EPAS1: variants seen among roughly 807,000 people sequenced by gnomAD.
EPAS1 encodes the protein endothelial PAS domain protein 1.
A neutral mutation model predicts 87.9 loss-of-function variants in EPAS1; 23 were observed. That is an observed-to-expected ratio of 0.26 (90% CI 0.19 to 0.37). EPAS1 has a LOEUF of 0.37. Ranked by LOEUF, EPAS1 falls within the 10% of genes least tolerant of loss-of-function variation. EPAS1 has a pLI of 1.00. For missense variants in EPAS1, 1,138 were observed against 1,120.7 expected (o/e 1.02, Z -0.22); for synonymous variants, 508 against 444.3 (o/e 1.14, Z -1.80).
At position 46,380,209 on chromosome 2, in the gene EPAS1, G is replaced by C. The variant is rs763871725; in HGVS notation, c.1555-18G>C. 1.9e-6 allele frequency: 3 copies of C among 1,606,718 alleles called. No homozygotes were observed. The highest frequency in any genetic ancestry group is 1.3e-5 in the African/African-American group (1 of 74,996). ...GTACCAACCCCCTTGCCTCTTTGCC[G>C]GTGCTGTCTCCCCTCAGACGGATTT... On this transcript the variant is annotated intron_variant, in intron 11 of 15. Coordinates refer to ENST00000263734, the MANE Select transcript of EPAS1 (RefSeq NM_001430.5). The surrounding 1 kb of genome is among the most constrained non-coding windows in gnomAD (Gnocchi z 4.4).
chr2:46,297,556 A>C lies in EPAS1; in HGVS notation c.-356A>C. On this transcript the variant is annotated 5_prime_UTR_variant, in exon 1 of 16. Transcript: ENST00000263734. Reference sequence around the variant, plus strand: ...GACTCCTTCCGACTCCCAGCATTCGAGCCACTTTTTTTTTTCTTTGAAAAC... The same window carrying C: ...GACTCCTTCCGACTCCCAGCATTCGCGCCACTTTTTTTTTTCTTTGAAAAC... 1 of 324,678 alleles carries C rather than the reference A, an allele frequency of 3.1e-6. No individual in the cohort carries two copies. The highest frequency in any genetic ancestry group is 2.4e-5 in the African/African-American group (1 of 41,104). 20.1% of individuals were successfully genotyped at this position (324,678 alleles called of 1,614,324 possible). A position where few individuals can be genotyped will look rare whatever the true frequency, so the allele number is the denominator to read the frequency against.
rs1294468912 is a variant in EPAS1 at position 46,371,883 on chromosome 2, A to G, written c.886+1950A>G. Among the ~76,000 whole-genome samples the G allele has an allele frequency of 6.6e-6, 1 of 152,178 alleles. No individual in the cohort carries two copies. The highest frequency in any genetic ancestry group is 1.5e-5 in the Non-Finnish European group (1 of 68,030). On this transcript the variant is annotated intron_variant, in intron 7 of 15. Coordinates refer to ENST00000263734, the MANE Select transcript of EPAS1 (RefSeq NM_001430.5). The surrounding 1 kb of genome is among the most constrained non-coding windows in gnomAD (Gnocchi z 4.3). The stretch of plus-strand genomic sequence containing the variant: ...AAAAATTTCTGGGAATTCTTGGAGG[A>G]CAGTATTACCTTTTATCTTGTAGGA...
chr2:46,380,545 A>G lies in EPAS1; in HGVS notation c.1873A>G (p.Ser625Gly). 1 of 1,614,156 alleles carries G rather than the reference A, an allele frequency of 6.2e-7. No individual in the cohort carries two copies. Among genetic ancestry groups the G allele is most frequent in the Non-Finnish European group, 8.5e-7 (1 of 1,180,020 alleles). The change falls in exon 12 of 16, where the codon AGC (serine) becomes GGC (glycine). Residue 625 changes from serine to glycine, a missense_variant. Ser to Gly is a moderately conservative substitution (Grantham distance 56). Around this residue, in one of 4 missense-constraint regions of EPAS1, gnomAD observed 502 missense variants for 427.1 expected, o/e 1.18. Transcript: ENST00000263734. This position sits in a 1 kb window ranked among gnomAD's most constrained non-coding sequence, Gnocchi z 4.4. ...ASLPPCCGQA[S>G]TPLSSMGGRS... ...CCTGCCACCGTGCTGTGGCCAGGCC[A>G]GCACCCCTCTCTCTTCCATGGGGGG...
chr2:46,376,613 T>C lies in EPAS1; in HGVS notation c.1109T>C (p.Met370Thr), dbSNP rs770217055. ...CTGTTCAAGCCCCACCTGATGGCCA[T>C]GAACAGCATCTTTGATAGCAGTGGC... ...ESLFKPHLMA[M>T]NSIFDSSGKG... Residue 370 changes from methionine to threonine, a missense_variant, in exon 9 of 16, where the codon ATG becomes ACG. Coordinates refer to ENST00000263734, the MANE Select transcript of EPAS1 (RefSeq NM_001430.5). 3.1e-6 allele frequency: 5 copies of C among 1,614,206 alleles called. No homozygotes were observed. Among genetic ancestry groups the C allele is most frequent in the East Asian group, 4.5e-5 (2 of 44,878 alleles).
intron 1 of EPAS1, among the ~76,000 whole-genome samples, chr2:46,331,905 A>T (rs945655313): frequency 2.6e-5 from 4 of 152,046 alleles, no homozygotes; most frequent in African/African-American, 9.7e-5. Flanking sequence ...CCCCGGGCTT[A>T]AAGTCTTTCT....
chr2:46,343,197 C>T (rs1056602024), intron 1 of EPAS1, among the ~76,000 whole-genome samples: 1 of 152,130 alleles, frequency 6.6e-6, no homozygotes, highest in African/African-American at 2.4e-5. Flanking sequence ...CCCTTCTTCC[C>T]CCGCCGACCC....
rs200212442 is a variant in EPAS1, at chr2:46,377,444, C to G, written c.1250-450C>G. On this transcript the variant is annotated intron_variant, in intron 9 of 15. Transcript: ENST00000263734. ...TGCTCACCCTGGACTGTGTCAGCCC[C>G]TTTTAGATGGGTTCTACAGCGGCCA... Among the ~76,000 whole-genome samples, 16 of 152,288 alleles carry G rather than the reference C, an allele frequency of 1.1e-4. No homozygotes were observed. The East Asian group carries it at 2.7e-3, about 26-fold the overall frequency.
At chr2:46,327,881 G>A (rs1231595447) in intron 1 of EPAS1, among the ~76,000 whole-genome samples, 1 of 152,194 alleles carries the variant, frequency 6.6e-6, no homozygotes, top group African/African-American at 2.4e-5. Context: ...CTCCTGCCAA[G>A]TCTTTGGGAA....
intron 1 of EPAS1, among the ~76,000 whole-genome samples, chr2:46,340,604 C>G (rs752319310): frequency 3.3e-5 from 5 of 152,210 alleles, no homozygotes; most frequent in Non-Finnish European, 5.9e-5. Context: ...AGAGACCATG[C>G]CCCTCAGGAG....
At chr2:46,384,093 C>T (rs1684957900) in intron 15 of EPAS1, among the ~76,000 whole-genome samples, 1 of 152,224 alleles carries the variant, frequency 6.6e-6, no homozygotes. Context: ...TGACCAGAAA[C>T]TGGATTTTCA....
chr2:46,362,566 A>ACCCC, intron 6 of EPAS1, among the ~76,000 whole-genome samples: 1 of 152,080 alleles, frequency 6.6e-6, no homozygotes, highest in Non-Finnish European at 1.5e-5. Context: ...CCAGGAAAAA[A>ACCCC]AGCTCCTGCT....
intron 1 of EPAS1, among the ~76,000 whole-genome samples, chr2:46,307,090 C>T (rs1683119150): frequency 6.6e-6 from 1 of 152,204 alleles, no homozygotes; most frequent in African/African-American, 2.4e-5. Context: ...ATTGCTTTCG[C>T]AGTAAGTTTC....
intron 1 of EPAS1, among the ~76,000 whole-genome samples, chr2:46,315,406 G>C (rs1343053822): frequency 6.6e-6 from 1 of 152,184 alleles, no homozygotes; most frequent in African/African-American, 2.4e-5. Flanking sequence ...CCTTGAACTT[G>C]GGCCAGAAGA....
At chr2:46,367,662 C>T (rs1234103607) in intron 6 of EPAS1, among the ~76,000 whole-genome samples, 1 of 152,248 alleles carries the variant, frequency 6.6e-6, no homozygotes, top group Non-Finnish European at 1.5e-5. Flanking sequence ...TCCTTCTGCT[C>T]TGAGACTGGC....
intron 2 of EPAS1, among the ~76,000 whole-genome samples, chr2:46,354,380 C>T (rs1448427969): frequency 6.6e-6 from 1 of 151,968 alleles, no homozygotes; most frequent in Non-Finnish European, 1.5e-5. Context: ...GATGTTTGCA[C>T]TGGATAAATA....
intron 13 of EPAS1, 49 bp from the exon 14 acceptor site, chr2:46,381,925 AC>A: frequency 6.3e-6 from 2 of 316,530 alleles, no homozygotes; most frequent in Non-Finnish European, 1.2e-5. Context: ...CAGTCTGGGG[AC>A]CTGGTTCTCT....
rs573038592 is a variant in EPAS1 at position 46,346,467 on chromosome 2, G to A, written c.27-406G>A. ...CAGTTTTTTTATCTTGTTCTCCAGA[G>A]CCCTTGACAAAGCCATCTGAGCCAC... On this transcript the variant is annotated intron_variant, in intron 1 of 15. Coordinates refer to ENST00000263734, the MANE Select transcript of EPAS1 (RefSeq NM_001430.5). This position sits in a 1 kb window ranked among gnomAD's most constrained non-coding sequence, Gnocchi z 4.0. 4.6e-5 allele frequency among the ~76,000 whole-genome samples: 7 copies of A among 152,300 alleles called. No homozygotes were observed. The highest frequency in any genetic ancestry group is 2.1e-4 in the South Asian group (1 of 4,824).
chr2:46,331,893 T>C (rs975166884), intron 1 of EPAS1, among the ~76,000 whole-genome samples: 2 of 152,212 alleles, frequency 1.3e-5, no homozygotes, highest in African/African-American at 2.4e-5. Context: ...CTGTTTTTTT[T>C]TCCCCGGGCT....
Position 46,380,128 on chromosome 2 carries a change from A to C in EPAS1, c.1555-99A>C. 6.3e-7 allele frequency: 1 copy of C among 1,588,806 alleles called. No individual in the cohort carries two copies. Among genetic ancestry groups the C allele is most frequent in the Non-Finnish European group, 8.5e-7 (1 of 1,171,060 alleles). On this transcript the variant is annotated intron_variant, in intron 11 of 15. Coordinates refer to ENST00000263734, the MANE Select transcript of EPAS1 (RefSeq NM_001430.5). This position sits in a 1 kb window ranked among gnomAD's most constrained non-coding sequence, Gnocchi z 4.4. ...AGGCGTTTGAGCAGCACTGTGAAAC[A>C]GTGCTTGAGATGAATGGCTCTGCAG... is the stretch of plus-strand genomic sequence containing the variant.
Sources: allele counts gnomAD v4.1 joint callset (sites outside exome capture counted in the v4.1 genomes callset), GRCh38; gene constraint gnomAD v4.1.1; regional missense constraint gnomAD v4.1.1; non-coding constraint Gnocchi (gnomAD v3.1); transcripts MANE v1.5; gene names NCBI Gene and HGNC (gene_info 2026-07-23, HGNC 2026-07-21).